APLP2: variants seen among roughly 807,000 people sequenced by gnomAD.
APLP2 encodes amyloid beta precursor like protein 2, also known as CDEI box-binding protein.
A neutral mutation model predicts 89.9 loss-of-function variants in APLP2; 53 were observed. That is an observed-to-expected ratio of 0.59 (90% confidence interval 0.47 to 0.74). The LOEUF (loss-of-function observed/expected upper bound fraction) is 0.74, where lower values mean the gene tolerates loss of function less well. Ranked by LOEUF, APLP2 falls within the 30% of genes least tolerant of loss-of-function variation. APLP2 has a pLI of 0.00. For missense variants in APLP2, 973 were observed against 975.9 expected (o/e 1.00, Z 0.04); for synonymous variants, 372 against 348.6 (o/e 1.07, Z -0.75).
intron 1 of APLP2, among the ~76,000 whole-genome samples, chr11:130,074,681 C>T (rs1345538638): frequency 6.6e-6 from 1 of 151,994 alleles, no homozygotes; most frequent in African/African-American, 2.4e-5. Context: ...AATCTTATTC[C>T]CCAGGGAAAC....
chr11:130,097,679 G>A (rs1477726221), intron 1 of APLP2, among the ~76,000 whole-genome samples: 1 of 152,166 alleles, frequency 6.6e-6, no homozygotes, highest in Admixed American at 6.5e-5. Flanking sequence ...CTCTGGCTCA[G>A]AAACAACAAC....
intron 1 of APLP2, among the ~76,000 whole-genome samples, chr11:130,106,908 C>T (rs199844577): frequency 1.3e-5 from 2 of 150,264 alleles, no homozygotes; most frequent in African/African-American, 5.0e-5. Context: ...AGGCTGGTCT[C>T]GAACTCTCGA....
intron 1 of APLP2, among the ~76,000 whole-genome samples, chr11:130,090,490 A>G (rs1372257215): frequency 6.6e-6 from 1 of 151,782 alleles, no homozygotes; most frequent in Non-Finnish European, 1.5e-5. Context: ...GCCTTCAAGC[A>G]TCTGTTTAAC....
intron 3 of APLP2, among the ~76,000 whole-genome samples, chr11:130,115,752 G>A (rs1949087112): frequency 6.6e-6 from 1 of 152,164 alleles, no homozygotes; most frequent in Non-Finnish European, 1.5e-5. Context: ...ATCTGCCTAG[G>A]TAAATTTTTT....
chr11:130,135,961 A>G (rs1355607324), intron 13 of APLP2, among the ~76,000 whole-genome samples: 1 of 152,182 alleles, frequency 6.6e-6, no homozygotes, highest in Non-Finnish European at 1.5e-5. Context: ...GGTGGCTTCA[A>G]ACCCCCACTT....
At position 130,121,790 on chromosome 11, in the gene APLP2, A is replaced by G; in HGVS notation, c.693A>G (p.Glu231=). The G allele has an allele frequency of 4.3e-6, 7 of 1,612,730 alleles. No homozygotes were observed. The highest frequency in any genetic ancestry group is 5.9e-6 in the Non-Finnish European group (7 of 1,179,998). ...EEEEEEEDEE[E]DYDVYKSEFP... is the part of the protein sequence containing the mutation. ...AAGAGGAAGAGGAAGATGAAGAGGAAGACTATGATGTTTATAAAAGGTAAC... is the reference window on the plus strand; with the variant it reads ...AAGAGGAAGAGGAAGATGAAGAGGAGGACTATGATGTTTATAAAAGGTAAC... The change falls in exon 5 of 17, where the codon GAA becomes GAG. Residue 231 remains glutamate (E), a synonymous_variant. Coordinates refer to ENST00000338167, the MANE Select transcript of APLP2 (RefSeq NM_001142276.2).
At chr11:130,079,416 T>G (rs1942761515) in intron 1 of APLP2, among the ~76,000 whole-genome samples, 1 of 152,184 alleles carries the variant, frequency 6.6e-6, no homozygotes, top group South Asian at 2.1e-4. Context: ...TGTGTTTTAT[T>G]TAGGCCCTCT....
intron 1 of APLP2, among the ~76,000 whole-genome samples, chr11:130,078,253 C>A (rs1018737445): frequency 6.6e-6 from 1 of 151,570 alleles, no homozygotes; most frequent in African/African-American, 2.4e-5. Flanking sequence ...ACATTTTTGA[C>A]AGCCACGTGT....
chr11:130,096,877 G>A (rs12420928), intron 1 of APLP2, among the ~76,000 whole-genome samples: 16,725 of 152,096 alleles, frequency 0.11, 1,154 homozygotes, highest in East Asian at 0.24. Flanking sequence ...TTGAACCCCA[G>A]AAGGTTAACT....
At chr11:130,086,340 C>T (rs960420369) in intron 1 of APLP2, among the ~76,000 whole-genome samples, 4 of 152,114 alleles carry the variant, frequency 2.6e-5, no homozygotes, top group African/African-American at 7.2e-5. Flanking sequence ...GAAAAATGTC[C>T]GTTGAAGTCT....
intron 4 of APLP2, among the ~76,000 whole-genome samples, chr11:130,121,399 T>G (rs1209900393): frequency 1.3e-5 from 2 of 152,250 alleles, no homozygotes. Flanking sequence ...TTCAGTATTT[T>G]TGGACCAGAT....
chr11:130,075,005 T>C (rs533403835), intron 1 of APLP2, among the ~76,000 whole-genome samples: 56 of 152,334 alleles, frequency 3.7e-4, no homozygotes, highest in African/African-American at 1.2e-3. Context: ...ATTTAGTGTA[T>C]TGTACCTTGA....
intron 10 of APLP2, 74 bp downstream of exon 10, chr11:130,129,280 T>C: frequency 1.4e-6 from 2 of 1,477,126 alleles, no homozygotes; most frequent in South Asian, 1.3e-5. Context: ...CTCAGGTCAG[T>C]AAAAGTGACA....
In APLP2 at chr11:130,142,062, C is replaced by T. The variant is rs777416038; in HGVS notation, c.2142C>T (p.His714=). 2.0e-5 allele frequency: 32 copies of T among 1,611,526 alleles called. No homozygotes were observed. Among genetic ancestry groups the T allele is most frequent in the African/African-American group, 5.3e-5 (4 of 74,888 alleles). The part of the protein sequence containing the change: ...LRKRQYGTIS[H]GIVEVDPMLT... ...AGAGGCAGTATGGCACCATCAGCCA[C>T]GGGATCGTGGAGGTGAGGAGCTGGG... is the stretch of plus-strand genomic sequence containing the variant. The change falls in exon 16 of 17, where the codon CAC becomes CAT. Residue 714 remains histidine (H), a synonymous_variant. Transcript: ENST00000338167.
At chr11:130,072,627 C>T (rs928597087) in intron 1 of APLP2, among the ~76,000 whole-genome samples, 6 of 152,078 alleles carry the variant, frequency 3.9e-5, no homozygotes, top group Non-Finnish European at 7.3e-5. Flanking sequence ...CAGGCGCCTG[C>T]CACCACGCCC....
chr11:130,108,710 G>C (rs553581159), intron 1 of APLP2: 2 of 152,220 alleles, frequency 1.3e-5, no homozygotes, highest in African/African-American at 4.8e-5. Flanking sequence ...TACTCGGTAT[G>C]TACCCAATGG....
chr11:130,137,418 G>A (rs1951761874), intron 13 of APLP2: 2 of 908,690 alleles, frequency 2.2e-6, no homozygotes, highest in African/African-American at 1.6e-5. Flanking sequence ...TGACACGGCT[G>A]TGAGTGGGGT....
Position 130,141,933 on chromosome 11 carries a change from A to G in APLP2, c.2013A>G (p.Pro671=), listed in dbSNP as rs770805499. 1 of 1,603,840 alleles carries G rather than the reference A, an allele frequency of 6.2e-7. No individual in the cohort carries two copies. Among genetic ancestry groups the G allele is most frequent in the Non-Finnish European group, 8.5e-7 (1 of 1,171,780 alleles). The change falls in exon 16 of 17, where the codon CCA becomes CCG. Residue 671 remains proline (P), a synonymous_variant. Transcript: ENST00000338167. This position sits in a 1 kb window ranked among gnomAD's most constrained non-coding sequence, Gnocchi z 4.2. ...TTATTACGTAGGAATCCGTGGGCCC[A>G]CTGCGGGAGGACTTCAGTCTGAGTA... ...GLEEERESVG[P]LREDFSLSSS...
chr11:130,139,438 A>G (rs1187684242), intron 13 of APLP2: 1 of 152,224 alleles, frequency 6.6e-6, no homozygotes, highest in Admixed American at 6.5e-5. Flanking sequence ...ATCCAGTTAT[A>G]AAAGGCTCAT....
Sources: gnomAD v4.1 joint callset for allele counts (sites outside exome capture counted in the v4.1 genomes callset) on GRCh38, gnomAD v4.1.1 for gene constraint, Gnocchi (gnomAD v3.1) non-coding constraint, MANE v1.5 for transcripts, NCBI Gene and HGNC (gene_info 2026-07-23, HGNC 2026-07-21) for gene names.